Variants in PRKAG2 observed in about 807,000 individuals in gnomAD.
PRKAG2 encodes the protein 5'-AMP-activated protein kinase subunit gamma-2.
In PRKAG2, 26 loss-of-function variants were observed where a neutral mutation model predicts 69.6. The ratio of observed to expected loss-of-function variants is 0.37; its 90% CI spans 0.27 to 0.52. PRKAG2 has a LOEUF of 0.52. Ranked by LOEUF, PRKAG2 falls within the 20% of genes least tolerant of loss-of-function variation. The pLI is 0.90. For missense variants in PRKAG2, 557 were observed against 740.0 expected (o/e 0.75, Z 2.87); for synonymous variants, 293 against 285.0 (o/e 1.03, Z -0.28).
chr7:151,824,415 A>T (rs1260127610), intron 1 of PRKAG2, among the ~76,000 whole-genome samples: 1 of 152,146 alleles, frequency 6.6e-6, no homozygotes, highest in Non-Finnish European at 1.5e-5. Context: ...GGTAGTGCAG[A>T]TAGTTGCCGG....
intron 4 of PRKAG2, among the ~76,000 whole-genome samples, chr7:151,672,829 G>A (rs780087172): frequency 6.6e-5 from 10 of 152,150 alleles, no homozygotes; most frequent in East Asian, 1.9e-4. Context: ...GCTGCCAGCC[G>A]CGTGCTGGGC....
At chr7:151,735,029 T>C (rs913296266) in intron 3 of PRKAG2, among the ~76,000 whole-genome samples, 1 of 151,958 alleles carries the variant, frequency 6.6e-6, no homozygotes, top group African/African-American at 2.4e-5. Flanking sequence ...TAATTTTTTG[T>C]ATTTTTAGTA....
In PRKAG2 at chr7:151,567,437, C is replaced by T. The variant is rs1483910078; in HGVS notation, c.1233+1279G>A. Among the ~76,000 whole-genome samples, 1 of 152,116 alleles carries T rather than the reference C, an allele frequency of 6.6e-6. No individual in the cohort carries two copies. Among genetic ancestry groups the T allele is most frequent in the East Asian group, 1.9e-4 (1 of 5,198 alleles). On this transcript the variant is annotated intron_variant, in intron 11 of 15. Coordinates refer to ENST00000287878, the MANE Select transcript of PRKAG2 (RefSeq NM_016203.4). The surrounding 1 kb of genome is among the most constrained non-coding windows in gnomAD (Gnocchi z 4.2). ...TGCCGGACATACAGTAATCAGCTCT[C>T]ATGATTAATATTATTTAAAAATGAT...
chr7:151,784,562 C>A (rs1052622925), intron 2 of PRKAG2, among the ~76,000 whole-genome samples: 11 of 152,210 alleles, frequency 7.2e-5, no homozygotes, highest in Middle Eastern at 6.8e-3. Flanking sequence ...TGTCCAGTGC[C>A]CAGAGACAGA....
chr7:151,743,472 T>A (rs1162012455), intron 3 of PRKAG2, among the ~76,000 whole-genome samples: 3 of 152,204 alleles, frequency 2.0e-5, no homozygotes, highest in Non-Finnish European at 1.5e-5. Context: ...TGTCTTCTGG[T>A]GGCTGTTCTT....
At chr7:151,672,285 G>A (rs10231614) in intron 4 of PRKAG2, among the ~76,000 whole-genome samples, 1 of 151,576 alleles carries the variant, frequency 6.6e-6, no homozygotes, top group Non-Finnish European at 1.5e-5. Context: ...GTATTTTTAG[G>A]AGAGACGGGG....
intron 4 of PRKAG2, among the ~76,000 whole-genome samples, chr7:151,642,330 GA>G (rs1208215051): frequency 1.4e-4 from 22 of 152,048 alleles, no homozygotes; most frequent in African/African-American, 5.1e-4. Flanking sequence ...GCGACAGAGC[GA>G]GACTCCATCT....
intron 1 of PRKAG2, among the ~76,000 whole-genome samples, chr7:151,865,768 C>T (rs1262843978): frequency 2.6e-5 from 4 of 152,096 alleles, no homozygotes; most frequent in African/African-American, 7.2e-5. Flanking sequence ...GCCTGTAATC[C>T]CAGCACTTTG....
intron 5 of PRKAG2, among the ~76,000 whole-genome samples, chr7:151,623,235 G>A (rs1821943961): frequency 6.6e-6 from 1 of 151,870 alleles, no homozygotes; most frequent in South Asian, 2.1e-4. Flanking sequence ...ATGGTGGCAA[G>A]TGTCTGTAAT....
chr7:151,870,912 G>A (rs2080206912), intron 1 of PRKAG2, among the ~76,000 whole-genome samples: 1 of 152,222 alleles, frequency 6.6e-6, no homozygotes, highest in Non-Finnish European at 1.5e-5. Flanking sequence ...TCCAGCGACT[G>A]TGCAGGCTTT....
Position 151,867,686 on chromosome 7 carries a change from G to A in PRKAG2, c.114+8821C>T, listed in dbSNP as rs148882099. On this transcript the variant is annotated intron_variant, in intron 1 of 15. Transcript: ENST00000287878. ...TTTTTTTGGAGAATCCAATTCCATCGCACTGTTCATCTTTGTGTCCTCGAC... is the reference window on the plus strand; with the variant it reads ...TTTTTTTGGAGAATCCAATTCCATCACACTGTTCATCTTTGTGTCCTCGAC... Among the ~76,000 whole-genome samples, 241 of 152,212 alleles carry A rather than the reference G, an allele frequency of 1.6e-3. 2 individuals are homozygous for A. The highest frequency in any genetic ancestry group is 5.5e-3 in the African/African-American group (230 of 41,518).
intron 3 of PRKAG2, among the ~76,000 whole-genome samples, chr7:151,748,691 G>A (rs1316140757): frequency 6.6e-6 from 1 of 152,102 alleles, no homozygotes. Flanking sequence ...AAAAAATCTG[G>A]TAAATGGTGA....
intron 3 of PRKAG2, among the ~76,000 whole-genome samples, chr7:151,682,905 G>A (rs1359241242): frequency 6.6e-6 from 1 of 152,184 alleles, no homozygotes; most frequent in East Asian, 1.9e-4. Flanking sequence ...CCCGGCCCAG[G>A]GGCCTCTCCT....
intron 5 of PRKAG2, among the ~76,000 whole-genome samples, chr7:151,605,445 A>G (rs1817277803): frequency 6.6e-6 from 1 of 152,036 alleles, no homozygotes; most frequent in Middle Eastern, 3.2e-3. Context: ...TTTTAAATTA[A>G]ATTTTATGGC....
At chr7:151,624,165 T>TGC (rs1416540223) in intron 5 of PRKAG2, among the ~76,000 whole-genome samples, 4 of 133,362 alleles carry the variant, frequency 3.0e-5, no homozygotes, top group Non-Finnish European at 6.6e-5. Context: ...TGTGTGTGTG[T>TGC]GTACATATAT....
chr7:151,853,840 G>A (rs556789681), intron 1 of PRKAG2, among the ~76,000 whole-genome samples: 2 of 151,886 alleles, frequency 1.3e-5, no homozygotes, highest in South Asian at 2.1e-4. Context: ...TCACTGCTGA[G>A]GAACCTGGGC....
At chr7:151,571,638 A>G (rs112197078) in intron 9 of PRKAG2, among the ~76,000 whole-genome samples, 2 of 152,248 alleles carry the variant, frequency 1.3e-5, no homozygotes, top group Non-Finnish European at 2.9e-5. Context: ...GTACAGTAGA[A>G]CTGGACAAGA....
At chr7:151,721,513 C>T (rs1797110273) in intron 3 of PRKAG2, among the ~76,000 whole-genome samples, 1 of 152,156 alleles carries the variant, frequency 6.6e-6, no homozygotes, top group Non-Finnish European at 1.5e-5. Flanking sequence ...CCGAGGGTGA[C>T]CAGCCACCTC....
At chr7:151,681,184 G>A (rs980542918) in intron 3 of PRKAG2, among the ~76,000 whole-genome samples, 4 of 152,224 alleles carry the variant, frequency 2.6e-5, no homozygotes, top group Admixed American at 6.5e-5. Flanking sequence ...GAGAGGTGGC[G>A]GGATGCAGGA....
Sources: gnomAD v4.1 joint callset for allele counts (sites outside exome capture counted in the v4.1 genomes callset) on GRCh38, gnomAD v4.1.1 for gene constraint, Gnocchi (gnomAD v3.1) non-coding constraint, MANE v1.5 for transcripts, NCBI Gene and HGNC (gene_info 2026-07-23, HGNC 2026-07-21) for gene names.